Variants in SHISA5 observed in about 807,000 individuals in gnomAD.
SHISA5 encodes shisa family member 5, also known as protein shisa-5.
SHISA5 carries 21 observed loss-of-function variants against 27.5 expected under a neutral mutation model. The ratio of observed to expected loss-of-function variants is 0.76; its 90% CI spans 0.54 to 1.10. SHISA5 has a LOEUF of 1.10. Ranked by LOEUF, SHISA5 falls within the 50% of genes least tolerant of loss-of-function variation. The probability of loss-of-function intolerance (pLI) is 0.00; values close to 1 mark genes in which losing one functional copy is unlikely to be tolerated. For synonymous variants in SHISA5, 137 were observed against 142.2 expected, an observed-to-expected ratio of 0.96 and a Z score of 0.26; for missense variants, 314 against 336.3, an observed-to-expected ratio of 0.93 and a Z score of 0.52.
rs1001416785 is a variant in SHISA5, at chr3:48,467,882, C to T, written c.*1225G>A. 30 of 520,540 alleles carry T rather than the reference C, an allele frequency of 5.8e-5. No homozygotes were observed. Among genetic ancestry groups the T allele is most frequent in the Non-Finnish European group, 9.2e-5 (27 of 293,366 alleles). 32.2% of individuals were successfully genotyped at this position (520,540 alleles called of 1,614,324 possible). Reference sequence around the variant, plus strand: ...GAAGAAAGGGGGCAGCAGCTCCAAACGATTGCATTTATTATAAACAAGTGT... The same window carrying T: ...GAAGAAAGGGGGCAGCAGCTCCAAATGATTGCATTTATTATAAACAAGTGT... On this transcript the variant is annotated 3_prime_UTR_variant, in exon 6 of 6. Coordinates refer to ENST00000296444, the MANE Select transcript of SHISA5 (RefSeq NM_016479.6).
chr3:48,487,382 C>A (rs1025326067), intron 2 of SHISA5, among the ~76,000 whole-genome samples: 1 of 151,834 alleles, frequency 6.6e-6, no homozygotes, highest in African/African-American at 2.4e-5. Flanking sequence ...ACAGTTTATA[C>A]GTTTTAATGT....
At chr3:48,502,449 A>G in intron 1 of SHISA5, 1 of 454,974 alleles carries the variant, frequency 2.2e-6, no homozygotes, top group South Asian at 1.6e-5. Flanking sequence ...CACCATCTGT[A>G]GCCCTGGAGC....
At chr3:48,488,314 G>A (rs543401062) in intron 2 of SHISA5, among the ~76,000 whole-genome samples, 3 of 135,216 alleles carry the variant, frequency 2.2e-5, no homozygotes, top group African/African-American at 5.5e-5. Context: ...TGCAAGCTCC[G>A]CCTCCCTGGT....
At chr3:48,489,811 A>T (rs2041368128) in intron 2 of SHISA5, among the ~76,000 whole-genome samples, 1 of 151,262 alleles carries the variant, frequency 6.6e-6, no homozygotes, top group Non-Finnish European at 1.5e-5. Flanking sequence ...AAAAAAAATC[A>T]TGGAGACGAG....
At chr3:48,471,554 CAAAAA>C (rs1553822500) in intron 3 of SHISA5, among the ~76,000 whole-genome samples, 1 of 16,710 alleles carries the variant, frequency 6.0e-5, no homozygotes, top group Non-Finnish European at 1.1e-4. Context: ...GACTCTGTCT[CAAAAA>C]AAAAAAAAAA....
Position 48,473,067 on chromosome 3 carries a change from T to G in SHISA5, c.315-3224A>C, listed in dbSNP as rs1575305695. 3 of 1,519,152 alleles carry G rather than the reference T, an allele frequency of 2.0e-6. No individual in the cohort carries two copies. The highest frequency in any genetic ancestry group is 2.6e-6 in the Non-Finnish European group (3 of 1,140,246). The allele number at this position is 1,519,152 out of a possible 1,614,324, so 94.1% of individuals were successfully genotyped here. A position where few individuals can be genotyped will look rare whatever the true frequency, so the allele number is the denominator to read the frequency against. Reference sequence around the variant, plus strand: ...TCCTGTACCCCTGGGCTTTCCCCTCTTCCCATCGTGGGCCACTCAGTTTCA... The same window carrying G: ...TCCTGTACCCCTGGGCTTTCCCCTCGTCCCATCGTGGGCCACTCAGTTTCA... On this transcript the variant is annotated intron_variant, in intron 3 of 5. Transcript: ENST00000296444. The surrounding 1 kb of genome is among the most constrained non-coding windows in gnomAD (Gnocchi z 4.3).
chr3:48,489,234 T>C (rs2041347135), intron 2 of SHISA5, among the ~76,000 whole-genome samples: 1 of 151,248 alleles, frequency 6.6e-6, no homozygotes. Context: ...CTATCATTAG[T>C]GTGTTTTATG....
chr3:48,495,330 T>A (rs1249040867), intron 2 of SHISA5, among the ~76,000 whole-genome samples: 1 of 276 alleles, frequency 3.6e-3, no homozygotes, highest in Non-Finnish European at 8.8e-3. Context: ...TTTACGACGC[T>A]TTTTTTTTTT....
upstream of SHISA5, chr3:48,504,596 G>C (rs943378429): frequency 6.5e-6 from 1 of 153,062 alleles, no homozygotes. The surrounding 1 kb of genome is among the most constrained non-coding windows in gnomAD (Gnocchi z 4.0). Context: ...TGAGGACTAG[G>C]TGAGGCGGTG....
rs753045044 is a variant in SHISA5, at chr3:48,479,236, C to T, written c.255G>A (p.Pro85=). ...PEASVPASVE[P]VEQLGSALRF... ...TCAGCGCCGAGCCCAGCTGCTCCAC[C>T]GGCTCTACACTGGCAGGCACGCTGC... The change falls in exon 3 of 6, where the codon CCG becomes CCA. Residue 85 remains proline (P), a synonymous_variant. Transcript: ENST00000296444. 178 of 1,506,204 alleles carry T rather than the reference C, an allele frequency of 1.2e-4. 5 individuals are homozygous for T. In the South Asian group the frequency reaches 1.7e-3, roughly 14 times the overall value. 93.3% of individuals were successfully genotyped at this position (1,506,204 alleles called of 1,614,324 possible).
Position 48,468,720 on chromosome 3 carries a change from G to A in SHISA5, c.*387C>T. On this transcript the variant is annotated 3_prime_UTR_variant, in exon 6 of 6. Transcript: ENST00000296444. ...ACACAGAAAGCTGCGCCACCCTGGT[G>A]TGACAGGCCCTACTTGGTCACCCTA... The A allele has an allele frequency of 3.1e-6, 4 of 1,307,292 alleles. No individual in the cohort carries two copies. The South Asian group carries it at 3.8e-5, about 13-fold the overall frequency. 81.0% of individuals were successfully genotyped at this position (1,307,292 alleles called of 1,614,324 possible). A position where few individuals can be genotyped will look rare whatever the true frequency, so the allele number is the denominator to read the frequency against.
chr3:48,473,536 G>A lies in SHISA5; in HGVS notation c.315-3693C>T. ...ACACACATGCAAGGAGCAAAGTCCAGCCTGTCCCTTTAGCTCCTCCTCTCC... is the reference window on the plus strand; with the variant it reads ...ACACACATGCAAGGAGCAAAGTCCAACCTGTCCCTTTAGCTCCTCCTCTCC... On this transcript the variant is annotated intron_variant, in intron 3 of 5. Coordinates refer to ENST00000296444, the MANE Select transcript of SHISA5 (RefSeq NM_016479.6). The surrounding 1 kb of genome is among the most constrained non-coding windows in gnomAD (Gnocchi z 4.3). 1 of 1,286,190 alleles carries A rather than the reference G, an allele frequency of 7.8e-7. No homozygotes were observed. Among genetic ancestry groups the A allele is most frequent in the Admixed American group, 2.3e-5 (1 of 42,950 alleles). 79.7% of individuals were successfully genotyped at this position (1,286,190 alleles called of 1,614,324 possible).
Position 48,483,486 on chromosome 3 carries a change from T to A in SHISA5, c.234-4229A>T, listed in dbSNP as rs1176831800. Among the ~76,000 whole-genome samples the A allele has an allele frequency of 2.6e-5, 4 of 152,298 alleles. No homozygotes were observed. The East Asian group carries it at 7.7e-4, about 29-fold the overall frequency. On this transcript the variant is annotated intron_variant, in intron 2 of 5. Transcript: ENST00000296444. ...AAAATGAAAGGTCTCCCATGTCTAC[T>A]TCTTTCTACACAGACACAGCAACCA...
chr3:48,475,646 G>A (rs563995032), intron 3 of SHISA5, among the ~76,000 whole-genome samples: 3 of 152,322 alleles, frequency 2.0e-5, no homozygotes, highest in Admixed American at 1.3e-4. Context: ...CCTTTCCCCT[G>A]CACTGTGGCA....
chr3:48,468,758 G>C lies in SHISA5; in HGVS notation c.*349C>G, dbSNP rs541079542. The C allele has an allele frequency of 7.3e-7, 1 of 1,374,650 alleles. No individual in the cohort carries two copies. Among genetic ancestry groups the C allele is most frequent in the African/African-American group, 1.4e-5 (1 of 69,052 alleles). 85.2% of individuals were successfully genotyped at this position (1,374,650 alleles called of 1,614,324 possible). A position where few individuals can be genotyped will look rare whatever the true frequency, so the allele number is the denominator to read the frequency against. On this transcript the variant is annotated 3_prime_UTR_variant, in exon 6 of 6. Coordinates refer to ENST00000296444, the MANE Select transcript of SHISA5 (RefSeq NM_016479.6). ...CTTGGTCACCCTAGGGTAAGCTGGA[G>C]AAGAACTCCAGATGTGCCCTGGAGA...
At position 48,504,007 on chromosome 3, in the gene SHISA5, C is replaced by T; in HGVS notation, c.76+12G>A. On this transcript the variant is annotated intron_variant, in intron 1 of 5. Coordinates refer to ENST00000296444, the MANE Select transcript of SHISA5 (RefSeq NM_016479.6). This position sits in a 1 kb window ranked among gnomAD's most constrained non-coding sequence, Gnocchi z 4.0. ...CCCAGGGCAGGACGGGCCGCCCCCA[C>T]CCCCGGCTCACCACCCGGAGGCGGC... 5 of 1,463,062 alleles carry T rather than the reference C, an allele frequency of 3.4e-6. No individual in the cohort carries two copies. The highest frequency in any genetic ancestry group is 4.5e-6 in the Non-Finnish European group (5 of 1,104,664). The allele number at this position is 1,463,062 out of a possible 1,614,324, so 90.6% of individuals were successfully genotyped here. A position where few individuals can be genotyped will look rare whatever the true frequency, so the allele number is the denominator to read the frequency against.
chr3:48,498,250 C>G (rs1035229920), intron 2 of SHISA5, among the ~76,000 whole-genome samples: 1 of 152,200 alleles, frequency 6.6e-6, no homozygotes. Context: ...CAGCTGACAT[C>G]CTTCCTACTA....
chr3:48,498,282 C>A (rs1467775707), intron 2 of SHISA5, among the ~76,000 whole-genome samples: 1 of 152,140 alleles, frequency 6.6e-6, no homozygotes, highest in Admixed American at 6.6e-5. Flanking sequence ...AATGTCTTCC[C>A]CCTAAACTCG....
chr3:48,486,029 A>G (rs1560128350), intron 2 of SHISA5, among the ~76,000 whole-genome samples: 2 of 150,792 alleles, frequency 1.3e-5, no homozygotes, highest in Admixed American at 6.8e-5. Context: ...AGTCTCTACA[A>G]CTAGACCAGG....
Sources: allele counts gnomAD v4.1 joint callset (sites outside exome capture counted in the v4.1 genomes callset), GRCh38; gene constraint gnomAD v4.1.1; non-coding constraint Gnocchi (gnomAD v3.1); transcripts MANE v1.5; gene names NCBI Gene and HGNC (gene_info 2026-07-23, HGNC 2026-07-21).